The following LRRC4C variants were observed in gnomAD, a reference collection of about 807,000 sequenced individuals.
The protein encoded by LRRC4C is leucine rich repeat containing 4C.
Under a neutral mutation model 33.6 loss-of-function variants are expected in LRRC4C, and 5 were observed. The observed-to-expected ratio is 0.15, with a 90% CI of 0.08 to 0.31. The LOEUF (loss-of-function observed/expected upper bound fraction) is 0.31. LRRC4C is among the 10% of genes least tolerant of loss of function. The pLI is 1.00. For missense variants in LRRC4C, 560 were observed against 796.7 expected (o/e 0.70, Z 3.58); for synonymous variants, 329 against 302.0 (o/e 1.09, Z -0.93).
chr11:40,284,223 T>C, intron 4 of LRRC4C, among the ~76,000 whole-genome samples: 1 of 152,112 alleles, frequency 6.6e-6, no homozygotes, highest in Non-Finnish European at 1.5e-5. Flanking sequence ...GGATTAGCTC[T>C]CCCCAAGTTT....
At chr11:41,196,002 C>T (rs1344299869) in intron 1 of LRRC4C, among the ~76,000 whole-genome samples, 3 of 152,064 alleles carry the variant, frequency 2.0e-5, no homozygotes, top group Admixed American at 2.0e-4. Flanking sequence ...TGATCTTTTA[C>T]CCTTATTTCA....
At position 40,203,289 on chromosome 11, in the gene LRRC4C, C is replaced by A. The variant is rs1053582229; in HGVS notation, c.-96+38230G>T. Among the ~76,000 whole-genome samples, 3 of 152,124 alleles carry A rather than the reference C, an allele frequency of 2.0e-5. No individual in the cohort carries two copies. The East Asian group carries it at 5.8e-4, about 29-fold the overall frequency. ...AATATTAATATACAATAAAGAACCACAACATTTAATAAAAACAAAAGCTAC... is the reference window on the plus strand; with the variant it reads ...AATATTAATATACAATAAAGAACCAAAACATTTAATAAAAACAAAAGCTAC... On this transcript the variant is annotated intron_variant, in intron 5 of 6. Transcript: ENST00000528697.
intron 2 of LRRC4C, among the ~76,000 whole-genome samples, chr11:40,913,489 T>C (rs1956790935): frequency 6.6e-6 from 1 of 152,134 alleles, no homozygotes; most frequent in Admixed American, 6.6e-5. Flanking sequence ...AAGATGTTCT[T>C]TGAAACCAAC....
chr11:40,427,996 C>T (rs954972412), intron 3 of LRRC4C, among the ~76,000 whole-genome samples: 5 of 151,982 alleles, frequency 3.3e-5, no homozygotes, highest in African/African-American at 9.7e-5. Flanking sequence ...TATGAGGAGT[C>T]GAAAATCACT....
chr11:40,153,880 C>G (rs2135147541), intron 5 of LRRC4C, among the ~76,000 whole-genome samples: 2 of 152,146 alleles, frequency 1.3e-5, no homozygotes, highest in Middle Eastern at 3.4e-3. Flanking sequence ...TTGGGGAAAA[C>G]TTCCCTGGCC....
chr11:40,390,255 A>T (rs1949284507), intron 3 of LRRC4C, among the ~76,000 whole-genome samples: 1 of 152,214 alleles, frequency 6.6e-6, no homozygotes, highest in African/African-American at 2.4e-5. Context: ...TGTACGAGAC[A>T]GTTAAAGAAG....
intron 3 of LRRC4C, among the ~76,000 whole-genome samples, chr11:40,425,004 G>T (rs1950659011): frequency 6.6e-6 from 1 of 152,166 alleles, no homozygotes; most frequent in East Asian, 1.9e-4. Flanking sequence ...TCTTGCAGGT[G>T]GTGGTAGAGA....
intron 5 of LRRC4C, among the ~76,000 whole-genome samples, chr11:40,207,919 T>C (rs748071609): frequency 6.6e-6 from 1 of 152,138 alleles, no homozygotes; most frequent in African/African-American, 2.4e-5. Context: ...AGAGCCTCAA[T>C]GGAGCACTCT....
intron 1 of LRRC4C, among the ~76,000 whole-genome samples, chr11:41,249,000 T>C (rs1255220945): frequency 6.6e-6 from 1 of 152,092 alleles, no homozygotes; most frequent in Non-Finnish European, 1.5e-5. Context: ...CACTTCTCAC[T>C]ATAGCCACTG....
chr11:41,344,221 C>G (rs181503358), intron 1 of LRRC4C, among the ~76,000 whole-genome samples: 2 of 144,434 alleles, frequency 1.4e-5, no homozygotes, highest in African/African-American at 5.1e-5. Flanking sequence ...CTCTGTGAAG[C>G]CTTTCTTTTT....
At chr11:40,653,454 G>T (rs779412821) in intron 2 of LRRC4C, among the ~76,000 whole-genome samples, 1 of 152,170 alleles carries the variant, frequency 6.6e-6, no homozygotes, top group African/African-American at 2.4e-5. Context: ...ATGGCATTTT[G>T]TCCCAGCCCT....
chr11:40,173,588 GA>G (rs1450334561), intron 5 of LRRC4C, among the ~76,000 whole-genome samples: 1 of 152,134 alleles, frequency 6.6e-6, no homozygotes, highest in Non-Finnish European at 1.5e-5. Flanking sequence ...TCCTTCTGAA[GA>G]GTACAATTCA....
intron 3 of LRRC4C, among the ~76,000 whole-genome samples, chr11:40,471,858 T>C (rs527985768): frequency 1.3e-4 from 20 of 152,224 alleles, no homozygotes; most frequent in African/African-American, 4.6e-4. Flanking sequence ...CAACAGAATA[T>C]ACATTCTTCT....
chr11:41,198,043 CT>C (rs1306115817), intron 1 of LRRC4C, among the ~76,000 whole-genome samples: 4 of 151,626 alleles, frequency 2.6e-5, no homozygotes, highest in Non-Finnish European at 5.9e-5. Context: ...TATAAACCTT[CT>C]GTGAATAAAA....
intron 1 of LRRC4C, among the ~76,000 whole-genome samples, chr11:41,355,771 A>G (rs1952139777): frequency 6.6e-6 from 1 of 152,150 alleles, no homozygotes; most frequent in Non-Finnish European, 1.5e-5. Context: ...ACAATTTCAT[A>G]CAATTCAACC....
rs1490448718 is a variant in LRRC4C at position 40,290,621 on chromosome 11, GACC to G, written c.-176+29004_-176+29006del. Among the ~76,000 whole-genome samples, 5 of 152,178 alleles carry G rather than the reference GACC, an allele frequency of 3.3e-5. No individual in the cohort carries two copies. The East Asian group carries it at 9.7e-4, about 29-fold the overall frequency. The stretch of plus-strand genomic sequence containing the variant: ...TACAGTTCTTTAATGACTCTCTGGG[GACC>G]ACCACTCACAGGATTAAACACTAAG... On this transcript the variant is annotated intron_variant, in intron 4 of 6. Coordinates refer to ENST00000528697, the MANE Select transcript of LRRC4C (RefSeq NM_001258419.2).
At chr11:41,345,910 C>T (rs997671329) in intron 1 of LRRC4C, among the ~76,000 whole-genome samples, 4 of 152,056 alleles carry the variant, frequency 2.6e-5, no homozygotes, top group Non-Finnish European at 5.9e-5. Flanking sequence ...TAAATAAAAA[C>T]ATTGAATTAA....
intron 1 of LRRC4C, among the ~76,000 whole-genome samples, chr11:41,023,888 T>A (rs568394250): frequency 6.6e-5 from 10 of 151,934 alleles, no homozygotes; most frequent in Non-Finnish European, 1.3e-4. Flanking sequence ...AATAGCTTCT[T>A]CTGCAGTCCC....
chr11:41,371,853 G>A (rs924384559), intron 1 of LRRC4C, among the ~76,000 whole-genome samples: 1 of 152,156 alleles, frequency 6.6e-6, no homozygotes, highest in Non-Finnish European at 1.5e-5. Flanking sequence ...GATAGAAATT[G>A]GGCCGGGCGC....
Sources: allele counts gnomAD v4.1 joint callset (sites outside exome capture counted in the v4.1 genomes callset), GRCh38; gene constraint gnomAD v4.1.1; transcripts MANE v1.5; gene names NCBI Gene and HGNC (gene_info 2026-07-23, HGNC 2026-07-21).